ADAMTS19: variants seen among roughly 807,000 people sequenced by gnomAD.
ADAMTS19 encodes the protein ADAM metallopeptidase with thrombospondin type 1 motif 19.
ADAMTS19 carries 93 observed loss-of-function variants against 153.3 expected under a neutral mutation model. The ratio of observed to expected loss-of-function variants is 0.61; its 90% CI spans 0.51 to 0.72. ADAMTS19 has a LOEUF of 0.72. Among genes scored for constraint, ADAMTS19 ranks in the 30% least tolerant of loss-of-function variants. The pLI is 0.00. For missense variants in ADAMTS19, 1,482 were observed against 1,552.1 expected (o/e 0.95, Z 0.76); for synonymous variants, 600 against 556.6 (o/e 1.08, Z -1.10).
chr5:129,487,988 A>C (rs1234684582), intron 2 of ADAMTS19, among the ~76,000 whole-genome samples: 1 of 152,064 alleles, frequency 6.6e-6, no homozygotes, highest in East Asian at 1.9e-4. Flanking sequence ...ATAAATAATA[A>C]ATCACAGATA....
At chr5:129,582,473 A>C (rs1363961051) in intron 7 of ADAMTS19, among the ~76,000 whole-genome samples, 2 of 150,842 alleles carry the variant, frequency 1.3e-5, no homozygotes, top group Admixed American at 6.6e-5. Context: ...TCTCCCTTTG[A>C]GCCTATGTGT....
chr5:129,517,131 G>A (rs371472792), intron 3 of ADAMTS19, among the ~76,000 whole-genome samples: 2 of 151,610 alleles, frequency 1.3e-5, no homozygotes. Context: ...ATTCCATTTT[G>A]GTTAGAGAAG....
intron 19 of ADAMTS19, among the ~76,000 whole-genome samples, chr5:129,698,187 C>T (rs1755650988): frequency 6.6e-6 from 1 of 152,162 alleles, no homozygotes; most frequent in Admixed American, 6.5e-5. Flanking sequence ...ATCTCCCTTC[C>T]CTTGGAAAAG....
At chr5:129,608,116 G>GTGTGTGTGTGTATATATATATATA (rs377008786) in intron 8 of ADAMTS19, among the ~76,000 whole-genome samples, 5 of 47,952 alleles carry the variant, frequency 1.0e-4, no homozygotes, top group African/African-American at 1.1e-4. Context: ...GTGTGTGTGT[G>GTGTGTGTGTGTATATATATATATA]TATATATATA....
At chr5:129,652,774 T>C (rs533344958) in intron 13 of ADAMTS19, among the ~76,000 whole-genome samples, 3 of 152,340 alleles carry the variant, frequency 2.0e-5, no homozygotes, top group Admixed American at 2.0e-4. Flanking sequence ...TATTTATTCA[T>C]ATATCTGGTT....
intron 2 of ADAMTS19, among the ~76,000 whole-genome samples, chr5:129,478,497 C>T (rs1031334127): frequency 3.3e-5 from 5 of 152,108 alleles, no homozygotes; most frequent in African/African-American, 9.7e-5. Flanking sequence ...CCACATTCTC[C>T]TTTTAATCAT....
At chr5:129,671,842 G>T (rs1300567047) in intron 16 of ADAMTS19, among the ~76,000 whole-genome samples, 1 of 151,842 alleles carries the variant, frequency 6.6e-6, no homozygotes, top group Non-Finnish European at 1.5e-5. Flanking sequence ...TCTCAAAAAG[G>T]TCATATGGGT....
chr5:129,731,237 T>C (rs992273446), intron 21 of ADAMTS19, among the ~76,000 whole-genome samples: 1 of 151,930 alleles, frequency 6.6e-6, no homozygotes, highest in Non-Finnish European at 1.5e-5. Context: ...GAATTACAGG[T>C]GTGAGCCACC....
At chr5:129,657,959 T>G (rs1753616429) in intron 14 of ADAMTS19, among the ~76,000 whole-genome samples, 1 of 152,134 alleles carries the variant, frequency 6.6e-6, no homozygotes, top group African/African-American at 2.4e-5. Flanking sequence ...TTTTTCCAAA[T>G]TACTTTATGG....
chr5:129,461,307 G>A lies in ADAMTS19; in HGVS notation c.297G>A (p.Glu99=). The change falls in exon 2 of 23, where the codon GAG becomes GAA. Residue 99 remains glutamate (E), a synonymous_variant. Transcript: ENST00000274487. The surrounding 1 kb of genome is among the most constrained non-coding windows in gnomAD (Gnocchi z 4.6). ...VRSVAPVPLE[E]PVEGRSESRL... ...CTGTGGCTCCGGTGCCTTTGGAGGA[G>A]CCCGTGGAGGGCCGATCAGAGTCCC... 3.1e-6 allele frequency: 4 copies of A among 1,311,208 alleles called. No individual in the cohort carries two copies. The highest frequency in any genetic ancestry group is 3.9e-6 in the Non-Finnish European group (4 of 1,037,578). 81.2% of individuals were successfully genotyped at this position (1,311,208 alleles called of 1,614,324 possible).
intron 10 of ADAMTS19, among the ~76,000 whole-genome samples, chr5:129,624,114 G>A (rs556154086): frequency 2.5e-5 from 3 of 119,808 alleles, no homozygotes; most frequent in African/African-American, 9.9e-5. Flanking sequence ...ACTACAGAGT[G>A]AGGCTCAGTC....
chr5:129,701,118 C>A (rs751636843), intron 19 of ADAMTS19, among the ~76,000 whole-genome samples: 6 of 151,042 alleles, frequency 4.0e-5, no homozygotes, highest in Non-Finnish European at 5.9e-5. Context: ...GAATAACTCT[C>A]ATGAGATCTG....
At chr5:129,585,317 C>T (rs1349439306) in intron 7 of ADAMTS19, among the ~76,000 whole-genome samples, 2 of 151,882 alleles carry the variant, frequency 1.3e-5, no homozygotes, top group Non-Finnish European at 2.9e-5. Context: ...TGGCTGGGAG[C>T]TGCAGACCGG....
intron 7 of ADAMTS19, among the ~76,000 whole-genome samples, chr5:129,570,640 A>G (rs1177636435): frequency 1.3e-5 from 2 of 151,898 alleles, no homozygotes; most frequent in Non-Finnish European, 2.9e-5. Context: ...ATTAAAAGAA[A>G]AAACGTATAC....
chr5:129,549,505 A>G (rs1752988025), intron 6 of ADAMTS19, among the ~76,000 whole-genome samples: 2 of 151,712 alleles, frequency 1.3e-5, no homozygotes. Flanking sequence ...AATAGTTCAA[A>G]ATAAACAAAC....
intron 6 of ADAMTS19, 21 bp from the exon 7 acceptor site, chr5:129,551,843 G>A (rs1357993838): frequency 6.6e-7 from 1 of 1,508,436 alleles, no homozygotes; most frequent in Non-Finnish European, 9.0e-7. Context: ...CTTTATTTCA[G>A]TTTTCTATTT....
intron 3 of ADAMTS19, among the ~76,000 whole-genome samples, chr5:129,518,951 T>C (rs1751700253): frequency 6.6e-6 from 1 of 152,114 alleles, no homozygotes; most frequent in East Asian, 1.9e-4. Context: ...ATTCTTTCTT[T>C]TGTTTGTTCA....
At chr5:129,620,891 G>T in intron 9 of ADAMTS19, 133 bp downstream of exon 9, 1 of 860,902 alleles carries the variant, frequency 1.2e-6, no homozygotes, top group Non-Finnish European at 1.7e-6. Context: ...TCCAATCCTG[G>T]CTTTTCCATT....
chr5:129,608,090 A>ATGTGTGTGTGTGTGTGTGTG (rs747075161), intron 8 of ADAMTS19, among the ~76,000 whole-genome samples: 4 of 104,546 alleles, frequency 3.8e-5, no homozygotes, highest in African/African-American at 1.6e-4. Context: ...TTTTATATAT[A>ATGTGTGTGTGTGTGTGTGTG]TGTGTGTGTG....
Sources: gnomAD v4.1 joint callset for allele counts (sites outside exome capture counted in the v4.1 genomes callset) on GRCh38, gnomAD v4.1.1 for gene constraint, Gnocchi (gnomAD v3.1) non-coding constraint, MANE v1.5 for transcripts, NCBI Gene and HGNC (gene_info 2026-07-23, HGNC 2026-07-21) for gene names.